MDGA2: variants seen among roughly 807,000 people sequenced by gnomAD.
The protein encoded by MDGA2 is MAM domain-containing glycosylphosphatidylinositol anchor protein 2.
A neutral mutation model predicts 117.8 loss-of-function variants in MDGA2; 40 were observed. The ratio of observed to expected loss-of-function variants is 0.34; its 90% CI spans 0.26 to 0.44. MDGA2 has a LOEUF of 0.44. MDGA2 is among the 20% of genes least tolerant of loss of function. MDGA2 has a pLI of 1.00. For synonymous variants in MDGA2, 452 were observed against 439.0 expected, an observed-to-expected ratio of 1.03 and a Z score of -0.37; for missense variants, 1,123 against 1,250.6, an observed-to-expected ratio of 0.90 and a Z score of 1.54.
chr14:46,946,326 A>G (rs1012291014), intron 9 of MDGA2, among the ~76,000 whole-genome samples: 63 of 152,164 alleles, frequency 4.1e-4, no homozygotes, highest in Middle Eastern at 3.4e-3. Context: ...GCCAATTTAT[A>G]TGATAATTAT....
At chr14:47,614,289 C>T (rs1444268500) in intron 1 of MDGA2, among the ~76,000 whole-genome samples, 1 of 151,856 alleles carries the variant, frequency 6.6e-6, no homozygotes, top group Non-Finnish European at 1.5e-5. Flanking sequence ...AGGGTTTCAC[C>T]ATGTTACTCA....
chr14:47,547,731 A>C (rs967683915), intron 1 of MDGA2, among the ~76,000 whole-genome samples: 2 of 152,244 alleles, frequency 1.3e-5, no homozygotes, highest in South Asian at 4.1e-4. Context: ...TGGATTTAAA[A>C]TCTGGCTCTG....
intron 2 of MDGA2, among the ~76,000 whole-genome samples, chr14:47,280,411 A>G (rs1016211880): frequency 6.6e-6 from 1 of 151,626 alleles, no homozygotes; most frequent in Non-Finnish European, 1.5e-5. Flanking sequence ...CTTGTGTACA[A>G]TTCATTAAAT....
intron 3 of MDGA2, among the ~76,000 whole-genome samples, chr14:47,216,680 G>A (rs949230057): frequency 4.6e-5 from 7 of 152,066 alleles, no homozygotes; most frequent in African/African-American, 1.7e-4. Flanking sequence ...AACTAAAACA[G>A]CAGAAGGATG....
chr14:47,579,647 G>C (rs1177618093), intron 1 of MDGA2, among the ~76,000 whole-genome samples: 1 of 151,848 alleles, frequency 6.6e-6, no homozygotes, highest in Non-Finnish European at 1.5e-5. Context: ...AAAAAGATAG[G>C]GTAAGTTTTA....
intron 1 of MDGA2, among the ~76,000 whole-genome samples, chr14:47,622,812 G>T (rs1416031065): frequency 2.0e-5 from 3 of 152,194 alleles, no homozygotes; most frequent in Admixed American, 1.3e-4. Context: ...TAGTCATGGG[G>T]AAGTAGATAG....
At chr14:47,022,288 G>A (rs1203811103) in intron 8 of MDGA2, among the ~76,000 whole-genome samples, 5 of 151,872 alleles carry the variant, frequency 3.3e-5, no homozygotes, top group South Asian at 2.1e-4. Flanking sequence ...GGTGTTTCCC[G>A]GGCTTGTCTC....
chr14:47,242,831 G>A lies in MDGA2; in HGVS notation c.421-24636C>T, dbSNP rs535519566. On this transcript the variant is annotated intron_variant, in intron 2 of 16. Coordinates refer to ENST00000399232, the MANE Select transcript of MDGA2 (RefSeq NM_001113498.3). ...CACCCAAGGGCTGAGGAATGCTAGCGCAGGGCACAGGACTGGCAGGCAGTT... is the reference window on the plus strand; with the variant it reads ...CACCCAAGGGCTGAGGAATGCTAGCACAGGGCACAGGACTGGCAGGCAGTT... Among the ~76,000 whole-genome samples the A allele has an allele frequency of 3.6e-4, 55 of 151,982 alleles. 1 individual carries two copies. The South Asian group carries it at 6.9e-3, about 19-fold the overall frequency.
intron 5 of MDGA2, among the ~76,000 whole-genome samples, chr14:47,128,003 T>G (rs1338333784): frequency 6.6e-6 from 1 of 152,146 alleles, no homozygotes; most frequent in Admixed American, 6.6e-5. Flanking sequence ...GTCTCCTATT[T>G]AGAATAACTC....
At chr14:47,342,822 T>C (rs1380800599) in intron 1 of MDGA2, 5 of 332,916 alleles carry the variant, frequency 1.5e-5, no homozygotes, top group South Asian at 6.9e-5. Context: ...TTCTTCTCCA[T>C]GTTGTACTTC....
In MDGA2 at chr14:46,929,601, G is replaced by GTATATA. The variant is rs756528353; in HGVS notation, c.2090-9447_2090-9442dup. Among the ~76,000 whole-genome samples, 48 of 12,668 alleles carry GTATATA rather than the reference G, an allele frequency of 3.8e-3. 1 individual carries two copies. The highest frequency in any genetic ancestry group is 6.2e-3 in the Non-Finnish European group (37 of 5,962). The allele number at this position is 12,668 out of a possible 152,430, so 8.3% of individuals were successfully genotyped here. A position where few individuals can be genotyped will look rare whatever the true frequency, so the allele number is the denominator to read the frequency against. ...TATACGTGTGTGTGTGTGTGTGTGTGTATATATATATATATATATATATAT... is the reference window on the plus strand; with the variant it reads ...TATACGTGTGTGTGTGTGTGTGTGTGTATATATATATATATATATATATATATATAT... On this transcript the variant is annotated intron_variant, in intron 9 of 16. Transcript: ENST00000399232.
At chr14:47,531,642 A>G (rs1317138300) in intron 1 of MDGA2, among the ~76,000 whole-genome samples, 1 of 152,160 alleles carries the variant, frequency 6.6e-6, no homozygotes, top group Non-Finnish European at 1.5e-5. Context: ...TTGTCATTCT[A>G]TAGCACTAAA....
intron 9 of MDGA2, among the ~76,000 whole-genome samples, chr14:46,929,868 C>T (rs1884499531): frequency 6.7e-6 from 1 of 149,914 alleles, no homozygotes; most frequent in Non-Finnish European, 1.5e-5. Flanking sequence ...AACTCCTGAC[C>T]TCAGGTGATC....
intron 2 of MDGA2, among the ~76,000 whole-genome samples, chr14:47,277,856 C>T (rs1394502106): frequency 1.3e-5 from 2 of 152,072 alleles, no homozygotes. Context: ...CCGCCAGTTT[C>T]CTGGAAATGC....
At chr14:47,342,419 T>C (rs1890658360) in intron 1 of MDGA2, among the ~76,000 whole-genome samples, 1 of 151,548 alleles carries the variant, frequency 6.6e-6, no homozygotes. Context: ...AAAACAGAGG[T>C]TCATAGCTAG....
Position 46,971,405 on chromosome 14 carries a change from G to C in MDGA2, c.1820-13762C>G, listed in dbSNP as rs146617477. The stretch of plus-strand genomic sequence containing the variant: ...AAAATGAATGAAATCATGTCATGCA[G>C]TAGCATGGATGAAACTGGAGGACAT... On this transcript the variant is annotated intron_variant, in intron 8 of 16. Transcript: ENST00000399232. Among the ~76,000 whole-genome samples the C allele has an allele frequency of 5.3e-5, 8 of 152,212 alleles. No homozygotes were observed. The East Asian group carries it at 1.5e-3, about 29-fold the overall frequency.
At chr14:47,655,609 T>C (rs778695061) in intron 1 of MDGA2, among the ~76,000 whole-genome samples, 11 of 152,100 alleles carry the variant, frequency 7.2e-5, no homozygotes, top group Admixed American at 3.3e-4. Context: ...AGACAATCTT[T>C]CCAAAGAGAA....
At position 47,061,080 on chromosome 14, in the gene MDGA2, A is replaced by C. The variant is rs192643866; in HGVS notation, c.1525+169T>G. Among the ~76,000 whole-genome samples the C allele has an allele frequency of 1.7e-3, 257 of 152,212 alleles. 1 individual carries two copies. The highest frequency in any genetic ancestry group is 2.7e-3 in the Non-Finnish European group (185 of 67,970). On this transcript the variant is annotated intron_variant, in intron 7 of 16. Transcript: ENST00000399232. The stretch of plus-strand genomic sequence containing the variant: ...TATGTAAATCTAAATCAAAACTGAT[A>C]AAACAGTGTTTCAGAACCTAGTATT...
At chr14:47,353,500 G>C (rs113008546) in intron 1 of MDGA2, among the ~76,000 whole-genome samples, 93 of 152,240 alleles carry the variant, frequency 6.1e-4, no homozygotes, top group African/African-American at 1.7e-3. Context: ...CCTAATCCTA[G>C]TTCCTCAAAA....
Sources: gnomAD v4.1 joint callset for allele counts (sites outside exome capture counted in the v4.1 genomes callset) on GRCh38, gnomAD v4.1.1 for gene constraint, MANE v1.5 for transcripts, NCBI Gene and HGNC (gene_info 2026-07-23, HGNC 2026-07-21) for gene names.